Variants in DPP6 observed in about 807,000 individuals in gnomAD.
DPP6 encodes dipeptidyl peptidase like 6, also known as A-type potassium channel modulatory protein DPP6.
Under a neutral mutation model 122.6 loss-of-function variants are expected in DPP6, and 69 were observed. The ratio of observed to expected loss-of-function variants is 0.56; its 90% CI spans 0.46 to 0.69. DPP6 has a LOEUF of 0.69. Among genes scored for constraint, DPP6 ranks in the 30% least tolerant of loss-of-function variants. The pLI is 0.00. For synonymous variants in DPP6, 418 were observed against 433.1 expected, an observed-to-expected ratio of 0.97 and a Z score of 0.43; for missense variants, 928 against 1,116.9, an observed-to-expected ratio of 0.83 and a Z score of 2.41.
intron 16 of DPP6, among the ~76,000 whole-genome samples, chr7:154,832,591 C>T (rs1171412578): frequency 6.6e-6 from 1 of 152,200 alleles, no homozygotes; most frequent in African/African-American, 2.4e-5. Context: ...TGATCAGGAG[C>T]TGAGCCCACA....
At chr7:154,092,428 T>G (rs1804921942) in intron 1 of DPP6, 1 of 151,490 alleles carries the variant, frequency 6.6e-6, no homozygotes, top group Non-Finnish European at 1.5e-5. Flanking sequence ...TGTGTGTAGT[T>G]GCTCTGTCTC....
chr7:153,764,918 G>C, the DPP6 span, among the ~76,000 whole-genome samples: 1 of 152,214 alleles, frequency 6.6e-6, no homozygotes, highest in Non-Finnish European at 1.5e-5. Flanking sequence ...CATTGCTTAT[G>C]CTTGAAAGAC....
At chr7:154,563,460 G>T (rs944068462) in intron 4 of DPP6, among the ~76,000 whole-genome samples, 8 of 152,206 alleles carry the variant, frequency 5.3e-5, no homozygotes, top group African/African-American at 1.9e-4. Flanking sequence ...AGATGGCCCT[G>T]GCCGCCTGGG....
At chr7:154,385,109 A>G (rs1488161259) in intron 1 of DPP6, among the ~76,000 whole-genome samples, 1 of 152,070 alleles carries the variant, frequency 6.6e-6, no homozygotes, top group Non-Finnish European at 1.5e-5. Context: ...AGCTGGGACT[A>G]CAGGTGCCCG....
chr7:154,377,583 G>A (rs1292653268), intron 1 of DPP6, among the ~76,000 whole-genome samples: 3 of 152,154 alleles, frequency 2.0e-5, no homozygotes, highest in African/African-American at 7.2e-5. Flanking sequence ...GATAGTGAAT[G>A]AGTTCTCATA....
At chr7:154,301,512 G>A (rs1216021708) in intron 1 of DPP6, among the ~76,000 whole-genome samples, 1 of 152,144 alleles carries the variant, frequency 6.6e-6, no homozygotes, top group Non-Finnish European at 1.5e-5. Flanking sequence ...ACTTTAGGGG[G>A]GGTAACACGT....
intron 1 of DPP6, among the ~76,000 whole-genome samples, chr7:154,342,296 C>G (rs1810003740): frequency 6.6e-6 from 1 of 152,168 alleles, no homozygotes; most frequent in Non-Finnish European, 1.5e-5. Context: ...GCCTACTAAG[C>G]TGAGGCAGAA....
At chr7:154,749,012 CG>C (rs1170156874) in intron 8 of DPP6, among the ~76,000 whole-genome samples, 1 of 149,358 alleles carries the variant, frequency 6.7e-6, no homozygotes, top group Admixed American at 6.6e-5. Flanking sequence ...GAGGATAGGA[CG>C]GGACAGGAGA....
At chr7:154,733,850 G>A (rs1842453343) in intron 8 of DPP6, among the ~76,000 whole-genome samples, 1 of 152,194 alleles carries the variant, frequency 6.6e-6, no homozygotes, top group Admixed American at 6.5e-5. Context: ...TCCCATGAAA[G>A]CAGAACAAAC....
At chr7:154,607,879 A>G (rs1236598339) in intron 5 of DPP6, among the ~76,000 whole-genome samples, 1 of 120,864 alleles carries the variant, frequency 8.3e-6, no homozygotes, top group African/African-American at 2.6e-5. Context: ...TGTATTTTTA[A>G]CTACACGGGA....
chr7:154,874,051 A>ACACATGCACACC (rs148611640), intron 19 of DPP6, among the ~76,000 whole-genome samples: 24,885 of 151,514 alleles, frequency 0.16, 2,298 homozygotes, highest in East Asian at 0.53. Context: ...CACATGCAGC[A>ACACATGCACACC]CATATGCACA....
chr7:154,713,352 C>T (rs935535200), intron 7 of DPP6, among the ~76,000 whole-genome samples: 4 of 152,264 alleles, frequency 2.6e-5, no homozygotes, highest in African/African-American at 9.6e-5. Flanking sequence ...CACAGTTCCA[C>T]TATGCAGTGC....
At chr7:154,826,720 G>A (rs766528445) in intron 16 of DPP6, among the ~76,000 whole-genome samples, 2 of 152,208 alleles carry the variant, frequency 1.3e-5, no homozygotes, top group African/African-American at 4.8e-5. Context: ...GCTTTCTTCA[G>A]GAAATGTGGG....
At chr7:153,813,813 A>G in the DPP6 span, among the ~76,000 whole-genome samples, 2 of 151,904 alleles carry the variant, frequency 1.3e-5, no homozygotes, top group Non-Finnish European at 2.9e-5. Context: ...TTTTGGCTGC[A>G]TAAATGTCTT....
intron 1 of DPP6, among the ~76,000 whole-genome samples, chr7:154,037,371 C>T (rs1250182507): frequency 1.3e-5 from 2 of 151,836 alleles, no homozygotes. Context: ...GCAGCCTTAT[C>T]CACAGTCTCC....
At chr7:154,745,519 TGTCTTA>T (rs1842997988) in intron 8 of DPP6, among the ~76,000 whole-genome samples, 1 of 152,136 alleles carries the variant, frequency 6.6e-6, no homozygotes, top group Non-Finnish European at 1.5e-5. Flanking sequence ...ACACAGGGTG[TGTCTTA>T]GTCTGTTTTG....
intron 10 of DPP6, among the ~76,000 whole-genome samples, chr7:154,780,812 G>A (rs1048160063): frequency 6.6e-6 from 1 of 152,222 alleles, no homozygotes; most frequent in African/African-American, 2.4e-5. Context: ...GAGGAAACAG[G>A]TTGAGTCCAT....
the DPP6 span, among the ~76,000 whole-genome samples, chr7:153,869,106 T>C: frequency 7.7e-6 from 1 of 130,480 alleles, no homozygotes; most frequent in African/African-American, 2.9e-5. Flanking sequence ...TGTGGTGTGG[T>C]GCTGAAAAGA....
chr7:154,078,149 A>G (rs1803705195), intron 1 of DPP6, among the ~76,000 whole-genome samples: 1 of 151,822 alleles, frequency 6.6e-6, no homozygotes, highest in Non-Finnish European at 1.5e-5. Context: ...CATCTCTTTC[A>G]TGTTTTGATT....
Sources: gnomAD v4.1 joint callset for allele counts (sites outside exome capture counted in the v4.1 genomes callset) on GRCh38, gnomAD v4.1.1 for gene constraint, MANE v1.5 for transcripts, NCBI Gene and HGNC (gene_info 2026-07-23, HGNC 2026-07-21) for gene names.